ASTN1: variants seen among roughly 807,000 people sequenced by gnomAD.
The protein encoded by ASTN1 is astrotactin-1.
In ASTN1, 41 loss-of-function variants were observed where a neutral mutation model predicts 140.7. That is an observed-to-expected ratio of 0.29 (90% CI 0.23 to 0.38). The LOEUF (loss-of-function observed/expected upper bound fraction) is 0.38. ASTN1 is among the 10% of genes least tolerant of loss of function. The pLI, the probability that ASTN1 is intolerant of heterozygous loss-of-function variation, is 1.00. For synonymous variants in ASTN1, 640 were observed against 652.2 expected, an observed-to-expected ratio of 0.98 and a Z score of 0.29; for missense variants, 1,479 against 1,678.8, an observed-to-expected ratio of 0.88 and a Z score of 2.08.
At chr1:176,998,416 C>A (rs1225696178) in intron 8 of ASTN1, among the ~76,000 whole-genome samples, 2 of 152,208 alleles carry the variant, frequency 1.3e-5, no homozygotes, top group South Asian at 2.1e-4. Context: ...GACCATGAGG[C>A]ACCCCAAATA....
chr1:176,882,748 C>T, intron 20 of ASTN1, 111 bp downstream of exon 20: 1 of 1,444,462 alleles, frequency 6.9e-7, no homozygotes, highest in South Asian at 1.3e-5. Flanking sequence ...ACTTCAGAGA[C>T]TCAACATGTT....
At chr1:177,138,303 G>A (rs576986171) in intron 1 of ASTN1, among the ~76,000 whole-genome samples, 6 of 152,232 alleles carry the variant, frequency 3.9e-5, no homozygotes, top group South Asian at 4.2e-4. Flanking sequence ...CTCTTATCAC[G>A]GGACCATAGA....
At position 176,918,908 on chromosome 1, in the gene ASTN1, C is replaced by T. The variant is rs950473996; in HGVS notation, c.2671+15244G>A. On this transcript the variant is annotated intron_variant, in intron 16 of 22. Coordinates refer to ENST00000361833, the MANE Select transcript of ASTN1 (RefSeq NM_004319.3). ...ACTTGTCCTGCCCCAACCCCACCAG[C>T]CTTCTCCACCACAGGTTTCTACACT... Among the ~76,000 whole-genome samples, 6 of 152,234 alleles carry T rather than the reference C, an allele frequency of 3.9e-5. No homozygotes were observed. In the South Asian group the frequency reaches 1.2e-3, roughly 32 times the overall value.
At chr1:177,114,639 CTTAT>C (rs1680991637) in intron 1 of ASTN1, among the ~76,000 whole-genome samples, 1 of 152,044 alleles carries the variant, frequency 6.6e-6, no homozygotes, top group South Asian at 2.1e-4. Flanking sequence ...TTTTCTTACA[CTTAT>C]TTGTTTCTGT....
intron 16 of ASTN1, among the ~76,000 whole-genome samples, chr1:176,925,233 C>T (rs1053921813): frequency 6.6e-6 from 1 of 152,124 alleles, no homozygotes; most frequent in Non-Finnish European, 1.5e-5. Flanking sequence ...CAGGACATAA[C>T]CCCGGAGACC....
intron 1 of ASTN1, 130 bp from the exon 2 acceptor site, chr1:177,061,395 T>A: frequency 2.5e-6 from 2 of 813,534 alleles, no homozygotes; most frequent in Non-Finnish European, 3.5e-6. Flanking sequence ...AATGTATAGT[T>A]AGGTCAGATT....
intron 8 of ASTN1, among the ~76,000 whole-genome samples, chr1:177,007,579 G>A (rs1675059287): frequency 6.6e-6 from 1 of 152,120 alleles, no homozygotes; most frequent in African/African-American, 2.4e-5. Flanking sequence ...ATCTGTGGGA[G>A]CTTGTCAAAT....
At chr1:177,107,665 C>G (rs1360550921) in intron 1 of ASTN1, among the ~76,000 whole-genome samples, 1 of 152,198 alleles carries the variant, frequency 6.6e-6, no homozygotes, top group Non-Finnish European at 1.5e-5. Context: ...ACAGCCCTCA[C>G]CAGCTCCGGG....
chr1:176,941,578 G>T (rs1339097681), intron 14 of ASTN1, among the ~76,000 whole-genome samples: 1 of 152,158 alleles, frequency 6.6e-6, no homozygotes, highest in Non-Finnish European at 1.5e-5. Flanking sequence ...TGAGCACCAG[G>T]TTTGGATCTT....
chr1:176,923,872 T>A (rs1305344562), intron 16 of ASTN1, among the ~76,000 whole-genome samples: 2 of 152,228 alleles, frequency 1.3e-5, no homozygotes, highest in African/African-American at 2.4e-5. Flanking sequence ...GATTCTCACA[T>A]CTGATGTAGA....
intron 21 of ASTN1, among the ~76,000 whole-genome samples, chr1:176,873,890 C>T (rs979337753): frequency 1.3e-5 from 2 of 152,112 alleles, no homozygotes; most frequent in Non-Finnish European, 2.9e-5. Context: ...TGGGTTGACC[C>T]GAAGGAGCCC....
intron 8 of ASTN1, among the ~76,000 whole-genome samples, chr1:176,975,861 T>C (rs1673340464): frequency 6.6e-6 from 1 of 152,218 alleles, no homozygotes. Flanking sequence ...AGGTGGATGA[T>C]TCTAAAGCAC....
At chr1:177,142,586 C>T (rs1682521300) in intron 1 of ASTN1, among the ~76,000 whole-genome samples, 1 of 152,060 alleles carries the variant, frequency 6.6e-6, no homozygotes, top group Admixed American at 6.6e-5. Flanking sequence ...GTTCTTTATA[C>T]ATCACTGCTA....
At chr1:177,145,319 C>T (rs1055743363) in intron 1 of ASTN1, among the ~76,000 whole-genome samples, 5 of 152,176 alleles carry the variant, frequency 3.3e-5, no homozygotes, top group African/African-American at 1.2e-4. Flanking sequence ...GTCAGAGTGT[C>T]TCAATTGGTC....
chr1:177,142,450 C>A (rs1422298073), intron 1 of ASTN1, among the ~76,000 whole-genome samples: 2 of 152,066 alleles, frequency 1.3e-5, no homozygotes, highest in African/African-American at 2.4e-5. Flanking sequence ...CCTATTATTC[C>A]AGAGCACCCC....
chr1:176,870,410 G>T (rs1668290928), intron 21 of ASTN1, among the ~76,000 whole-genome samples: 1 of 152,176 alleles, frequency 6.6e-6, no homozygotes, highest in Non-Finnish European at 1.5e-5. Flanking sequence ...TCCAGAGTTG[G>T]AATGAATAAA....
chr1:177,150,602 G>C (rs1426579078), intron 1 of ASTN1, among the ~76,000 whole-genome samples: 1 of 152,166 alleles, frequency 6.6e-6, no homozygotes, highest in African/African-American at 2.4e-5. Context: ...AAGAGTATGA[G>C]AAAGCTGGAA....
chr1:177,154,639 A>G (rs1044718876), intron 1 of ASTN1, among the ~76,000 whole-genome samples: 1 of 151,824 alleles, frequency 6.6e-6, no homozygotes, highest in African/African-American at 2.4e-5. Flanking sequence ...ACATTAACAC[A>G]GAACAACTAT....
chr1:177,051,415 C>T (rs1199898483), intron 2 of ASTN1, among the ~76,000 whole-genome samples: 2 of 152,218 alleles, frequency 1.3e-5, no homozygotes, highest in East Asian at 3.8e-4. Context: ...CAGTTATATA[C>T]TGTGCATGGT....
Sources: gnomAD v4.1 joint callset for allele counts (sites outside exome capture counted in the v4.1 genomes callset) on GRCh38, gnomAD v4.1.1 for gene constraint, MANE v1.5 for transcripts, NCBI Gene and HGNC (gene_info 2026-07-23, HGNC 2026-07-21) for gene names.